The following CAB39L variants were observed in gnomAD, a reference collection of about 807,000 sequenced individuals.
The protein encoded by CAB39L is calcium binding protein 39 like.
In CAB39L, 23 loss-of-function variants were observed where a neutral mutation model predicts 39.1. The ratio of observed to expected loss-of-function variants is 0.59; its 90% CI spans 0.42 to 0.83. The LOEUF is 0.83. CAB39L is among the 40% of genes least tolerant of loss of function. The pLI is 0.00. For synonymous variants in CAB39L, 126 were observed against 137.2 expected, an observed-to-expected ratio of 0.92 and a Z score of 0.57; for missense variants, 366 against 391.9, an observed-to-expected ratio of 0.93 and a Z score of 0.56.
chr13:49,348,111 G>A (rs989499452), intron 7 of CAB39L, among the ~76,000 whole-genome samples: 2 of 152,148 alleles, frequency 1.3e-5, no homozygotes, highest in Admixed American at 1.3e-4. Context: ...CGAGCAGGCT[G>A]CAAACTCCTT....
intron 10 of CAB39L, among the ~76,000 whole-genome samples, chr13:49,326,685 C>T (rs1372507843): frequency 6.6e-6 from 1 of 152,172 alleles, no homozygotes. Context: ...GTGGAAGGAA[C>T]ATAGCCGGGG....
chr13:49,320,815 G>A (rs1954317032), intron 10 of CAB39L, among the ~76,000 whole-genome samples: 1 of 152,194 alleles, frequency 6.6e-6, no homozygotes, highest in South Asian at 2.1e-4. Flanking sequence ...ATACTTGCTA[G>A]TACTGATCAG....
At chr13:49,358,523 A>G (rs1447186748) in intron 6 of CAB39L, among the ~76,000 whole-genome samples, 2 of 152,212 alleles carry the variant, frequency 1.3e-5, no homozygotes, top group Non-Finnish European at 2.9e-5. Context: ...TAAAAGAGAT[A>G]AAAGTGGTTG....
chr13:49,316,543 T>C (rs1179360766), intron 10 of CAB39L, among the ~76,000 whole-genome samples: 1 of 152,138 alleles, frequency 6.6e-6, no homozygotes, highest in African/African-American at 2.4e-5. Flanking sequence ...ACCAGTATTC[T>C]CTATGAATAA....
chr13:49,310,111 C>T lies in CAB39L; in HGVS notation c.*703G>A, dbSNP rs576563356. 1.3e-5 allele frequency: 2 copies of T among 152,688 alleles called. No individual in the cohort carries two copies. Among genetic ancestry groups the T allele is most frequent in the African/African-American group, 2.4e-5 (1 of 41,588 alleles). The allele number at this position is 152,688 out of a possible 1,614,324, so 9.5% of individuals were successfully genotyped here. On this transcript the variant is annotated 3_prime_UTR_variant, in exon 11 of 11. Transcript: ENST00000409308. ...GTTCTCTAGCAAGCAGGTCACACCCCGTGGGTCCCCTATTCCCCGTGACCC... is the reference window on the plus strand; with the variant it reads ...GTTCTCTAGCAAGCAGGTCACACCCTGTGGGTCCCCTATTCCCCGTGACCC...
chr13:49,371,189 C>CTTTTTTTTTTTTTTTTTTT (rs386379129), intron 5 of CAB39L, among the ~76,000 whole-genome samples: 1 of 102,242 alleles, frequency 9.8e-6, no homozygotes, highest in Non-Finnish European at 2.0e-5. Context: ...CTTTTTCTTT[C>CTTTTTTTTTTTTTTTTTTT]TTTTTTTTTT....
In CAB39L at chr13:49,310,995, T is replaced by C. The variant is rs1953970024; in HGVS notation, c.835-2A>G. The C allele has an allele frequency of 1.2e-6, 2 of 1,611,994 alleles. No individual in the cohort carries two copies. The highest frequency in any genetic ancestry group is 2.7e-5 in the African/African-American group (2 of 74,742). ...TTTGTGAGGACTGGCCACAAACACC[T>C]GAAACAAAAAGAAACAAATACTTAG... On this transcript the variant is annotated splice_acceptor_variant, in intron 10 of 10. Transcript: ENST00000409308. LOFTEE classifies it high-confidence loss of function.
chr13:49,356,910 G>A (rs1231993190), intron 6 of CAB39L, among the ~76,000 whole-genome samples: 2 of 152,072 alleles, frequency 1.3e-5, no homozygotes, highest in African/African-American at 4.8e-5. Context: ...TTAGTGAGGC[G>A]TGGTGGCATG....
intron 3 of CAB39L, among the ~76,000 whole-genome samples, chr13:49,405,711 A>G (rs902463861): frequency 1.1e-4 from 16 of 143,640 alleles, no homozygotes; most frequent in South Asian, 2.4e-4. Flanking sequence ...GAAAGAAAGA[A>G]AGAGAGAGAG....
At chr13:49,343,279 G>C (rs1955053979) in intron 8 of CAB39L, among the ~76,000 whole-genome samples, 1 of 152,170 alleles carries the variant, frequency 6.6e-6, no homozygotes, top group African/African-American at 2.4e-5. Flanking sequence ...CTAATACTGA[G>C]TGCTTACTCT....
chr13:49,418,022 G>A (rs1406143423), intron 3 of CAB39L, among the ~76,000 whole-genome samples: 3 of 151,992 alleles, frequency 2.0e-5, no homozygotes, highest in Non-Finnish European at 4.4e-5. Context: ...CACAGCCACC[G>A]TATGACCCAG....
chr13:49,321,685 G>C (rs551833766), intron 10 of CAB39L, among the ~76,000 whole-genome samples: 20 of 152,314 alleles, frequency 1.3e-4, no homozygotes, highest in Non-Finnish European at 2.8e-4. Flanking sequence ...CTAAAGGTAG[G>C]GGCAAGGAGG....
intron 3 of CAB39L, among the ~76,000 whole-genome samples, chr13:49,418,139 G>GA (rs915672741): frequency 4.8e-4 from 72 of 150,218 alleles, no homozygotes; most frequent in South Asian, 2.1e-4. Context: ...CCCAAAAGTA[G>GA]AAAAAAAAAT....
intron 5 of CAB39L, among the ~76,000 whole-genome samples, chr13:49,372,163 A>G (rs1326298670): frequency 1.3e-5 from 2 of 152,176 alleles, no homozygotes; most frequent in East Asian, 3.9e-4. Flanking sequence ...ACCTCAAAAA[A>G]CACAGCTGAG....
intron 10 of CAB39L, among the ~76,000 whole-genome samples, chr13:49,331,508 G>A (rs1171898243): frequency 6.6e-6 from 1 of 151,856 alleles, no homozygotes; most frequent in Non-Finnish European, 1.5e-5. Flanking sequence ...TTGTCTAAAG[G>A]GGTTACTTTT....
chr13:49,400,439 CACAA>C (rs1477071277), intron 3 of CAB39L, among the ~76,000 whole-genome samples: 2 of 125,622 alleles, frequency 1.6e-5, no homozygotes, highest in South Asian at 5.1e-4. Flanking sequence ...CTTATACAAA[CACAA>C]ACACACACAC....
chr13:49,418,989 G>A (rs765888214), intron 3 of CAB39L, among the ~76,000 whole-genome samples: 4 of 152,052 alleles, frequency 2.6e-5, no homozygotes, highest in Non-Finnish European at 4.4e-5. Flanking sequence ...TGTTTTTTGA[G>A]ATGGAGTCTC....
intron 3 of CAB39L, among the ~76,000 whole-genome samples, chr13:49,432,656 A>AT (rs1268767311): frequency 2.0e-5 from 3 of 152,078 alleles, no homozygotes; most frequent in Admixed American, 6.6e-5. Context: ...TCCATGGAGG[A>AT]TTTTTTTATT....
chr13:49,359,551 C>T (rs1385845079), intron 6 of CAB39L, among the ~76,000 whole-genome samples, 163 bp downstream of exon 6: 2 of 152,262 alleles, frequency 1.3e-5, no homozygotes, highest in East Asian at 1.9e-4. Context: ...GATTTTGCTG[C>T]AGTAATCATA....
Sources: gnomAD v4.1 joint callset for allele counts (sites outside exome capture counted in the v4.1 genomes callset) on GRCh38, gnomAD v4.1.1 for gene constraint, MANE v1.5 for transcripts, NCBI Gene and HGNC (gene_info 2026-07-23, HGNC 2026-07-21) for gene names.